Variants in MCM9 observed in about 807,000 individuals in gnomAD.
The protein encoded by MCM9 is minichromosome maintenance 9 homologous recombination repair factor.
MCM9 carries 55 observed loss-of-function variants against 72.8 expected under a neutral mutation model. The ratio of observed to expected loss-of-function variants is 0.76; its 90% CI spans 0.61 to 0.95. MCM9 has a LOEUF of 0.95. MCM9 is among the 40% of genes least tolerant of loss of function. MCM9 has a pLI of 0.00. For synonymous variants in MCM9, 480 were observed against 503.4 expected, an observed-to-expected ratio of 0.95 and a Z score of 0.62; for missense variants, 1,279 against 1,377.0, an observed-to-expected ratio of 0.93 and a Z score of 1.13.
At chr6:118,877,857 T>C (rs1005406425) in intron 8 of MCM9, among the ~76,000 whole-genome samples, 2 of 152,114 alleles carry the variant, frequency 1.3e-5, no homozygotes, top group Non-Finnish European at 2.9e-5. Context: ...GAATAATGCA[T>C]AACAATTAAA....
chr6:118,933,996 A>G (rs1322333081), intron 1 of MCM9, among the ~76,000 whole-genome samples: 4 of 134,270 alleles, frequency 3.0e-5, no homozygotes, highest in East Asian at 4.9e-4. Context: ...TGGACTCCCA[A>G]CAGTGGCTAC....
In MCM9 at chr6:118,897,339, G is replaced by T. The variant is rs561664558; in HGVS notation, c.1150+14311C>A. ...AGATAATTTGGTTCTTTCTAATATAGGGCTTATATCAAGGGTTAAGACAGC... is the reference window on the plus strand; with the variant it reads ...AGATAATTTGGTTCTTTCTAATATATGGCTTATATCAAGGGTTAAGACAGC... On this transcript the variant is annotated intron_variant, in intron 8 of 13. Transcript: ENST00000619706. Among the ~76,000 whole-genome samples the T allele has an allele frequency of 3.1e-4, 47 of 152,108 alleles. No individual in the cohort carries two copies. The South Asian group carries it at 3.5e-3, about 11-fold the overall frequency.
intron 8 of MCM9, among the ~76,000 whole-genome samples, chr6:118,867,768 T>G (rs1191692315): frequency 6.6e-6 from 1 of 152,180 alleles, no homozygotes; most frequent in Non-Finnish European, 1.5e-5. Flanking sequence ...AATGCATTTC[T>G]CAGAATGTAT....
At chr6:118,874,072 T>A (rs1037362395) in intron 8 of MCM9, among the ~76,000 whole-genome samples, 1 of 151,994 alleles carries the variant, frequency 6.6e-6, no homozygotes, top group Admixed American at 6.6e-5. Context: ...CTGGGCAACA[T>A]GGTGAAACCC....
chr6:118,923,778 A>C, intron 4 of MCM9, 33 bp downstream of exon 4: 1 of 1,590,294 alleles, frequency 6.3e-7, no homozygotes, highest in Non-Finnish European at 8.6e-7. Context: ...ACACTTCTTC[A>C]AATTTATTTA....
In MCM9 at chr6:118,872,632, GA is replaced by G. The variant is rs548385595; in HGVS notation, c.1151-16088del. On this transcript the variant is annotated intron_variant, in intron 8 of 13. Transcript: ENST00000619706. The stretch of plus-strand genomic sequence containing the variant: ...CATCAAGATGCAATCTACCTCTACA[GA>G]AAAAAAAGTTTTTAAATAATTTTAA... Among the ~76,000 whole-genome samples the G allele has an allele frequency of 1.4e-4, 21 of 150,184 alleles. No homozygotes were observed. In the East Asian group the frequency reaches 3.5e-3, roughly 25 times the overall value.
At chr6:118,842,540 C>T (rs534423385) in intron 9 of MCM9, among the ~76,000 whole-genome samples, 22 of 152,276 alleles carry the variant, frequency 1.4e-4, no homozygotes, top group Non-Finnish European at 2.2e-4. Flanking sequence ...CCCCCAGAGG[C>T]AGAGAGTTTC....
intron 9 of MCM9, among the ~76,000 whole-genome samples, chr6:118,852,508 C>A (rs2114668239): frequency 6.6e-6 from 1 of 152,240 alleles, no homozygotes; most frequent in South Asian, 2.1e-4. Context: ...AATGGTATCG[C>A]CTCCCCAGGC....
chr6:118,814,662 T>C lies in MCM9; in HGVS notation c.*162A>G, dbSNP rs1474331552. 3.2e-6 allele frequency: 2 copies of C among 620,276 alleles called. No homozygotes were observed. Among genetic ancestry groups the C allele is most frequent in the African/African-American group, 3.7e-5 (2 of 53,944 alleles). 38.4% of individuals were successfully genotyped at this position (620,276 alleles called of 1,614,324 possible). A position where few individuals can be genotyped will look rare whatever the true frequency, so the allele number is the denominator to read the frequency against. On this transcript the variant is annotated 3_prime_UTR_variant, in exon 14 of 14. Coordinates refer to ENST00000619706, the MANE Select transcript of MCM9 (RefSeq NM_017696.3). Reference sequence around the variant, plus strand: ...ACTGATTATACAACTTTTTAAGTCATGAAGATTAACCTGAAATTAGAAAGC... The same window carrying C: ...ACTGATTATACAACTTTTTAAGTCACGAAGATTAACCTGAAATTAGAAAGC...
At chr6:118,892,797 G>A (rs1223997128) in intron 8 of MCM9, among the ~76,000 whole-genome samples, 1 of 152,108 alleles carries the variant, frequency 6.6e-6, no homozygotes, top group Non-Finnish European at 1.5e-5. Context: ...CAAAAAAAGG[G>A]AACTCTTCCC....
chr6:118,932,326 C>CA (rs1458247136), intron 2 of MCM9, among the ~76,000 whole-genome samples: 2 of 152,232 alleles, frequency 1.3e-5, no homozygotes, highest in East Asian at 3.9e-4. Context: ...CACCTAATGA[C>CA]AAATTTCTCA....
At position 118,815,407 on chromosome 6, in the gene MCM9, ACTG is replaced by A. The variant is rs748033705; in HGVS notation, c.2846_2848del (p.Ala949del). On this transcript the variant is annotated inframe_deletion, in exon 14 of 14. Transcript: ENST00000619706. ...ACGCTGGGAAATTTTAGGACTATGA[ACTG>A]CTATTTTAGTTGCACCAGGTGACAC... 1.3e-6 allele frequency: 2 copies of A among 1,550,194 alleles called. No homozygotes were observed. The highest frequency in any genetic ancestry group is 2.0e-5 in the Admixed American group (1 of 50,938).
chr6:118,826,230 C>T lies in MCM9; in HGVS notation c.1878G>A (p.Glu626=), dbSNP rs1462502485. The change falls in exon 13 of 14, where the codon GAG becomes GAA. Residue 626 remains glutamate (E), a synonymous_variant. Transcript: ENST00000619706. ...LHTSFPENPG[E]QYQRQCELIL... ...TAAGTTCACACTGTCTCTGGTACTGCTCTCCAGGGTTTTCAGGAAAGGAAG... is the reference window on the plus strand; with the variant it reads ...TAAGTTCACACTGTCTCTGGTACTGTTCTCCAGGGTTTTCAGGAAAGGAAG... The T allele has an allele frequency of 1.9e-6, 3 of 1,550,512 alleles. No individual in the cohort carries two copies. The highest frequency in any genetic ancestry group is 1.4e-5 in the African/African-American group (1 of 73,168).
At position 118,859,582 on chromosome 6, in the gene MCM9, A is replaced by G. The variant is rs537303097; in HGVS notation, c.1151-3037T>C. On this transcript the variant is annotated intron_variant, in intron 8 of 13. Coordinates refer to ENST00000619706, the MANE Select transcript of MCM9 (RefSeq NM_017696.3). ...AAGAAAAACAGGCAAGAAAATTTGA[A>G]CTATTATTAGCAAATTGCTAATGGC... Among the ~76,000 whole-genome samples the G allele has an allele frequency of 3.9e-5, 6 of 152,328 alleles. No homozygotes were observed. In the South Asian group the frequency reaches 1.2e-3, roughly 32 times the overall value.
chr6:118,838,264 G>A (rs1477424449), intron 9 of MCM9, among the ~76,000 whole-genome samples: 1 of 149,974 alleles, frequency 6.7e-6, no homozygotes, highest in Non-Finnish European at 1.5e-5. Flanking sequence ...CCAGGTTCAC[G>A]CCATTCTCCT....
At chr6:118,816,480 T>A (rs1773415583) in intron 13 of MCM9, among the ~76,000 whole-genome samples, 186 bp from the exon 14 acceptor site, 1 of 152,112 alleles carries the variant, frequency 6.6e-6, no homozygotes, top group African/African-American at 2.4e-5. Context: ...AATATACAAT[T>A]TACATACTCA....
intron 13 of MCM9, 64 bp from the exon 14 acceptor site, chr6:118,816,358 A>C: frequency 1.1e-5 from 15 of 1,359,954 alleles, no homozygotes; most frequent in Non-Finnish European, 1.4e-5. Flanking sequence ...TAACCTATTC[A>C]TTTCTTTAGT....
chr6:118,924,777 A>T (rs2114391730), intron 3 of MCM9, among the ~76,000 whole-genome samples: 1 of 152,334 alleles, frequency 6.6e-6, no homozygotes, highest in Middle Eastern at 3.4e-3. Flanking sequence ...ATTCTTACTC[A>T]GGCTGGGCAC....
chr6:118,892,886 A>G (rs1208915281), intron 8 of MCM9, among the ~76,000 whole-genome samples: 1 of 152,254 alleles, frequency 6.6e-6, no homozygotes, highest in Non-Finnish European at 1.5e-5. Flanking sequence ...CCATCAGATG[A>G]AAACGTTTCA....
Sources: gnomAD v4.1 joint callset for allele counts (sites outside exome capture counted in the v4.1 genomes callset) on GRCh38, gnomAD v4.1.1 for gene constraint, MANE v1.5 for transcripts, NCBI Gene and HGNC (gene_info 2026-07-23, HGNC 2026-07-21) for gene names.